ZNF30: variants seen among roughly 807,000 people sequenced by gnomAD.
ZNF30 encodes the protein zinc finger protein 30.
Under a neutral mutation model 13.2 loss-of-function variants are expected in ZNF30, and 15 were observed. The ratio of observed to expected loss-of-function variants is 1.13; its 90% CI spans 0.76 to 1.75. The LOEUF is 1.75. Ranked by LOEUF, ZNF30 falls within the 40% of genes most tolerant of loss-of-function variation. ZNF30 has a pLI of 0.00. For synonymous variants in ZNF30, 223 were observed against 256.6 expected (o/e 0.87, Z 1.25); for missense variants, 726 against 757.0 (o/e 0.96, Z 0.48).
chr19:34,941,721 A>C (rs2013058102), intron 4 of ZNF30, among the ~76,000 whole-genome samples: 1 of 152,234 alleles, frequency 6.6e-6, no homozygotes, highest in South Asian at 2.1e-4. Context: ...CAGTGAGTTA[A>C]CATATCTAAT....
At chr19:34,935,198 T>A (rs1044384211) in intron 4 of ZNF30, among the ~76,000 whole-genome samples, 8 of 151,694 alleles carry the variant, frequency 5.3e-5, no homozygotes, top group African/African-American at 1.7e-4. Flanking sequence ...GCCACTGCAC[T>A]CCAGCCTGGG....
intron 3 of ZNF30, among the ~76,000 whole-genome samples, chr19:34,932,824 A>G (rs2012525489): frequency 6.9e-6 from 1 of 144,430 alleles, no homozygotes; most frequent in Non-Finnish European, 1.5e-5. Flanking sequence ...TCTGTTGCCC[A>G]GGCTGGAGTG....
At position 34,931,901 on chromosome 19, in the gene ZNF30, T is replaced by A; in HGVS notation, c.68T>A (p.Phe23Tyr). Residue 23 changes from phenylalanine to tyrosine, a missense_variant, in exon 3 of 5, where the codon TTC (phenylalanine) becomes TAC (tyrosine). Phe to Tyr is a conservative substitution (Grantham distance 22). Coordinates refer to ENST00000601142, the MANE Select transcript of ZNF30 (RefSeq NM_194325.3). Reference sequence around the variant, plus strand: ...ACATTTGAGGATGTGGCCATAGCCTTCTCCCAGCAGGAGTGGGAGAGTCTG... The same window carrying A: ...ACATTTGAGGATGTGGCCATAGCCTACTCCCAGCAGGAGTGGGAGAGTCTG... ...SVTFEDVAIA[F>Y]SQQEWESLDS... 6.2e-7 allele frequency: 1 copy of A among 1,613,602 alleles called. No individual in the cohort carries two copies. Among genetic ancestry groups the A allele is most frequent in the Non-Finnish European group, 8.5e-7 (1 of 1,179,824 alleles).
At position 34,941,541 on chromosome 19, in the gene ZNF30, G is replaced by A. The variant is rs965516032; in HGVS notation, c.257-1682G>A. Among the ~76,000 whole-genome samples the A allele has an allele frequency of 1.2e-4, 19 of 152,212 alleles. 1 individual carries two copies. The highest frequency in any genetic ancestry group is 2.1e-4 in the Non-Finnish European group (14 of 68,034). On this transcript the variant is annotated intron_variant, in intron 4 of 4. Coordinates refer to ENST00000601142, the MANE Select transcript of ZNF30 (RefSeq NM_194325.3). ...TTCCCAAAGTGCTGGGATTACAGGC[G>A]TGAGCCACTGCACCCAGCCTGACTG...
upstream of ZNF30, chr19:34,926,820 G>A (rs1029256598): frequency 2.5e-6 from 1 of 395,578 alleles, no homozygotes; most frequent in African/African-American, 2.1e-5. Flanking sequence ...GAGGTCTATG[G>A]CTCCCAGCAA....
chr19:34,944,402 CTGATGTAA>C lies in ZNF30; in HGVS notation c.1437_1444del (p.Asp480AlafsTer3), dbSNP rs1260319388. On this transcript the variant is annotated frameshift_variant, in exon 5 of 5. Coordinates refer to ENST00000601142, the MANE Select transcript of ZNF30 (RefSeq NM_194325.3). LOFTEE classifies it low-confidence loss of function (END_TRUNC). ...CTCACACAGCATCGGAAAATTCATA[CTGATGTAA>C]AGCCCTATGAATGTAAGGAATGTGG... 6.2e-7 allele frequency: 1 copy of C among 1,614,060 alleles called. No homozygotes were observed. Among genetic ancestry groups the C allele is most frequent in the Non-Finnish European group, 8.5e-7 (1 of 1,180,028 alleles).
At chr19:34,935,395 A>T (rs892042463) in intron 4 of ZNF30, among the ~76,000 whole-genome samples, 1 of 152,100 alleles carries the variant, frequency 6.6e-6, no homozygotes, top group African/African-American at 2.4e-5. Flanking sequence ...CCCTGTACCT[A>T]ATCACAGTTA....
At position 34,944,334 on chromosome 19, in the gene ZNF30, T is replaced by C; in HGVS notation, c.1368T>C (p.Tyr456=). The part of the protein sequence containing the change: ...HQRVHTGEKP[Y]ECKECGKAFR... Reference sequence around the variant, plus strand: ...GGGTTCATACTGGAGAGAAACCCTATGAGTGTAAGGAATGTGGCAAGGCCT... The same window carrying C: ...GGGTTCATACTGGAGAGAAACCCTACGAGTGTAAGGAATGTGGCAAGGCCT... Residue 456 remains tyrosine, a synonymous_variant, in exon 5 of 5, where the codon TAT becomes TAC. Coordinates refer to ENST00000601142, the MANE Select transcript of ZNF30 (RefSeq NM_194325.3). The C allele has an allele frequency of 1.2e-6, 2 of 1,614,164 alleles. No homozygotes were observed. Among genetic ancestry groups the C allele is most frequent in the Non-Finnish European group, 1.7e-6 (2 of 1,180,024 alleles).
chr19:34,943,666 T>C lies in ZNF30; in HGVS notation c.700T>C (p.Cys234Arg). 3 of 1,613,574 alleles carry C rather than the reference T, an allele frequency of 1.9e-6. No homozygotes were observed. The highest frequency in any genetic ancestry group is 2.5e-6 in the Non-Finnish European group (3 of 1,179,736). Residue 234 changes from cysteine (C) to arginine (R), a missense_variant, in exon 5 of 5, where the codon TGC (cysteine) becomes CGC (arginine). Coordinates refer to ENST00000601142, the MANE Select transcript of ZNF30 (RefSeq NM_194325.3). ...SIHTGKKPYE[C>R]GECGKAFLVY... is the part of the protein sequence containing the mutation. ...TCATACTGGGAAGAAACCATATGAG[T>C]GCGGGGAATGTGGGAAAGCTTTTCT...
At position 34,945,077 on chromosome 19, in the gene ZNF30, G is replaced by A. The variant is rs897218262; in HGVS notation, c.*239G>A. ...AAGTGGGAAACGTTATTACTTAATG[G>A]TTACAGCACTGACAGCATGAACTTT... On this transcript the variant is annotated 3_prime_UTR_variant, in exon 5 of 5. Coordinates refer to ENST00000601142, the MANE Select transcript of ZNF30 (RefSeq NM_194325.3). The A allele has an allele frequency of 7.0e-6, 3 of 426,848 alleles. No homozygotes were observed. Among genetic ancestry groups the A allele is most frequent in the South Asian group, 7.4e-5 (1 of 13,524 alleles). The allele number at this position is 426,848 out of a possible 1,614,324, so 26.4% of individuals were successfully genotyped here.
chr19:34,935,558 C>A (rs1357218764), intron 4 of ZNF30, among the ~76,000 whole-genome samples: 1 of 152,216 alleles, frequency 6.6e-6, no homozygotes, highest in Middle Eastern at 3.4e-3. Flanking sequence ...TGTCAGACAC[C>A]CCACATTGTC....
upstream of ZNF30, among the ~76,000 whole-genome samples, chr19:34,925,090 C>A (rs887438648): frequency 1.3e-5 from 2 of 152,178 alleles, no homozygotes; most frequent in African/African-American, 4.8e-5. Context: ...CTGCTCAAAC[C>A]TCCAGGGGAG....
At chr19:34,928,614 A>G (rs8103894) in intron 1 of ZNF30, among the ~76,000 whole-genome samples, 3 of 151,464 alleles carry the variant, frequency 2.0e-5, no homozygotes, top group Middle Eastern at 6.9e-3. Flanking sequence ...GGGTGGATCA[A>G]TTGAGGTCAG....
chr19:34,929,994 A>G (rs979013513), intron 2 of ZNF30, 38 bp downstream of exon 2: 1 of 1,587,736 alleles, frequency 6.3e-7, no homozygotes, highest in Non-Finnish European at 8.6e-7. Flanking sequence ...GGGGATTTTT[A>G]TATTACGTGG....
chr19:34,942,686 G>A, intron 4 of ZNF30: 1 of 1,269,552 alleles, frequency 7.9e-7, no homozygotes, highest in Non-Finnish European at 1.0e-6. Context: ...GAGAAAATTT[G>A]TAAGAACGTC....
Position 34,927,085 on chromosome 19 carries a change from C to A in ZNF30, c.-196C>A. ...TGACCCGGCAGCGAGCTTTGGAGTT[C>A]ATCGAGGGAGAAGTCAGCGCCCAGC... is the stretch of plus-strand genomic sequence containing the variant. On this transcript the variant is annotated 5_prime_UTR_variant, in exon 1 of 5. Transcript: ENST00000601142. 1 of 398,358 alleles carries A rather than the reference C, an allele frequency of 2.5e-6. No individual in the cohort carries two copies. The highest frequency in any genetic ancestry group is 1.3e-4 in the South Asian group (1 of 7,774). The allele number at this position is 398,358 out of a possible 1,614,324, so 24.7% of individuals were successfully genotyped here. A position where few individuals can be genotyped will look rare whatever the true frequency, so the allele number is the denominator to read the frequency against.
intron 4 of ZNF30, among the ~76,000 whole-genome samples, chr19:34,941,852 C>T (rs2013064091): frequency 6.6e-6 from 1 of 150,910 alleles, no homozygotes. Flanking sequence ...ACAGTTTTGT[C>T]TCAATATATC....
At chr19:34,940,344 CA>C (rs2012976633) in intron 4 of ZNF30, among the ~76,000 whole-genome samples, 1 of 152,088 alleles carries the variant, frequency 6.6e-6, no homozygotes, top group African/African-American at 2.4e-5. Flanking sequence ...TTTCAACCTC[CA>C]AAAGTTTTTT....
Position 34,943,880 on chromosome 19 carries a change from A to C in ZNF30, c.914A>C (p.Lys305Thr), listed in dbSNP as rs545512129. 28 of 1,614,058 alleles carry C rather than the reference A, an allele frequency of 1.7e-5. 1 individual carries two copies. The highest frequency in any genetic ancestry group is 1.3e-4 in the African/African-American group (10 of 75,008). ...KAFSTSSPLA[K>T]HQRIHTGEKP... ...TTTAGCACTAGCTCACCCCTTGCTA[A>C]GCATCAGAGAATTCATACTGGCGAG... is the stretch of plus-strand genomic sequence containing the variant. Residue 305 changes from lysine to threonine, a missense_variant, in exon 5 of 5, where the codon AAG (lysine) becomes ACG (threonine). Transcript: ENST00000601142.
Sources: allele counts gnomAD v4.1 joint callset (sites outside exome capture counted in the v4.1 genomes callset), GRCh38; gene constraint gnomAD v4.1.1; transcripts MANE v1.5; gene names NCBI Gene and HGNC (gene_info 2026-07-23, HGNC 2026-07-21).